INF2: variants seen among roughly 807,000 people sequenced by gnomAD.
INF2 encodes inverted formin-2.
In INF2, 43 loss-of-function variants were observed where a neutral mutation model predicts 123.5. The ratio of observed to expected loss-of-function variants is 0.35; its 90% CI spans 0.27 to 0.45. The LOEUF (loss-of-function observed/expected upper bound fraction) is 0.45. Among genes scored for constraint, INF2 ranks in the 20% least tolerant of loss-of-function variants. The pLI is 1.00. For synonymous variants in INF2, 851 were observed against 745.0 expected, an observed-to-expected ratio of 1.14 and a Z score of -2.32; for missense variants, 1,453 against 1,682.7, an observed-to-expected ratio of 0.86 and a Z score of 2.39.
At chr14:104,704,329 G>A (rs978747443) in intron 5 of INF2, 8 of 454,356 alleles carry the variant, frequency 1.8e-5, no homozygotes, top group African/African-American at 5.9e-5. Flanking sequence ...ACAGGGACAC[G>A]GGCTCCAGGG....
At chr14:104,703,033 C>A in intron 2 of INF2, 72 bp from the exon 3 acceptor site, 1 of 1,285,762 alleles carries the variant, frequency 7.8e-7, no homozygotes, top group Non-Finnish European at 1.1e-6. Context: ...GAGCCCCAGC[C>A]CTGAGCCCAG....
intron 1 of INF2, among the ~76,000 whole-genome samples, chr14:104,682,869 A>G (rs1353816716): frequency 1.3e-5 from 2 of 152,114 alleles, no homozygotes; most frequent in African/African-American, 4.8e-5. Context: ...CCCTAGGATT[A>G]TCACGTCTGG....
chr14:104,692,912 T>C (rs1460584202), intron 1 of INF2, among the ~76,000 whole-genome samples: 2 of 152,242 alleles, frequency 1.3e-5, no homozygotes, highest in African/African-American at 2.4e-5. Flanking sequence ...AGGGCCAGCC[T>C]GGGCTGCCCC....
At position 104,699,126 on chromosome 14, in the gene INF2, G is replaced by A. The variant is rs1889345463; in HGVS notation, c.-9-2231G>A. On this transcript the variant is annotated intron_variant, in intron 1 of 22. Transcript: ENST00000392634. The surrounding 1 kb of genome is among the most constrained non-coding windows in gnomAD (Gnocchi z 4.7). Reference sequence around the variant, plus strand: ...ATCTTCTGTGTCCAGGGACACCCTGGGGCCTGGGGCACGGTGGCTCTCGGC... The same window carrying A: ...ATCTTCTGTGTCCAGGGACACCCTGAGGCCTGGGGCACGGTGGCTCTCGGC... Among the ~76,000 whole-genome samples, 1 of 152,092 alleles carries A rather than the reference G, an allele frequency of 6.6e-6. No individual in the cohort carries two copies. The highest frequency in any genetic ancestry group is 2.1e-4 in the South Asian group (1 of 4,824).
chr14:104,689,862 C>A, intron 1 of INF2, 123 bp downstream of exon 1: 1 of 530,866 alleles, frequency 1.9e-6, no homozygotes, highest in Non-Finnish European at 2.4e-6. Context: ...CAGGTGGCGG[C>A]GGGCGGTCCG....
In INF2 at chr14:104,713,644, G is replaced by A. The variant is rs372109216; in HGVS notation, c.3040+38G>A. On this transcript the variant is annotated intron_variant, in intron 20 of 22. Transcript: ENST00000392634. ...CCCACTGCCTCCTCATGGTCCCCTT[G>A]CCACTGTCCCTACCCTGTGCCTCCA... 51 of 1,602,462 alleles carry A rather than the reference G, an allele frequency of 3.2e-5. No individual in the cohort carries two copies. The African/African-American group carries it at 6.0e-4, about 19-fold the overall frequency.
intron 1 of INF2, chr14:104,691,377 G>C (rs970347726): frequency 6.6e-6 from 1 of 152,226 alleles, no homozygotes; most frequent in Admixed American, 6.5e-5. Flanking sequence ...AGCTCTGGAC[G>C]GGGACAGTGA....
intron 18 of INF2, 60 bp downstream of exon 18, chr14:104,713,052 C>T (rs1205907209): frequency 1.9e-6 from 3 of 1,609,002 alleles, no homozygotes; most frequent in Non-Finnish European, 2.5e-6. Context: ...AGGCCCCTGG[C>T]CTTCCTCCGG....
rs2140705452 is a variant in INF2, at chr14:104,715,652, G to A, written c.*1+312G>A. 10 of 578,272 alleles carry A rather than the reference G, an allele frequency of 1.7e-5. No individual in the cohort carries two copies. In the East Asian group the frequency reaches 3.2e-4, roughly 18 times the overall value. The allele number at this position is 578,272 out of a possible 1,614,324, so 35.8% of individuals were successfully genotyped here. On this transcript the variant is annotated intron_variant, in intron 22 of 22. Transcript: ENST00000392634. ...GACTCCCTTAGCAAGCAGGATCCGGGCCCTGGGGCGTGGGCGGGACCTCCT... is the reference window on the plus strand; with the variant it reads ...GACTCCCTTAGCAAGCAGGATCCGGACCCTGGGGCGTGGGCGGGACCTCCT...
chr14:104,688,289 G>C (rs959084291), upstream of INF2, among the ~76,000 whole-genome samples: 2 of 152,360 alleles, frequency 1.3e-5, no homozygotes, highest in Non-Finnish European at 2.9e-5. Flanking sequence ...GGGGCTGCTG[G>C]GCAGGGCAAG....
At chr14:104,708,408 C>G (rs772600887) in intron 8 of INF2, 28 bp from the exon 9 acceptor site, 22 of 1,608,564 alleles carry the variant, frequency 1.4e-5, no homozygotes, top group Non-Finnish European at 1.9e-5. Context: ...GCTGCGAGAG[C>G]CTCACTGGCC....
chr14:104,685,839 G>T (rs1210372034), upstream of INF2, among the ~76,000 whole-genome samples: 1 of 148,504 alleles, frequency 6.7e-6, no homozygotes, highest in African/African-American at 2.5e-5. Flanking sequence ...TAGGCCGATG[G>T]GTAAGTGGAT....
chr14:104,698,564 T>C (rs1202713183), intron 1 of INF2, among the ~76,000 whole-genome samples: 2 of 152,222 alleles, frequency 1.3e-5, no homozygotes, highest in African/African-American at 4.8e-5. Context: ...TCCTATGAGA[T>C]GAGACAAAAA....
At chr14:104,702,388 A>T (rs1263234498) in intron 2 of INF2, among the ~76,000 whole-genome samples, 1 of 150,438 alleles carries the variant, frequency 6.6e-6, no homozygotes, top group Non-Finnish European at 1.5e-5. Context: ...TAAGCCTTTA[A>T]GCCCCAGCTC....
chr14:104,711,730 A>G, intron 16 of INF2, 31 bp downstream of exon 16: 12 of 1,601,318 alleles, frequency 7.5e-6, no homozygotes, highest in Non-Finnish European at 1.0e-5. Flanking sequence ...CGCCCACCTC[A>G]GCCAGGTGGG....
Position 104,707,821 on chromosome 14 carries a change from A to G in INF2, c.1554A>G (p.Pro518=), listed in dbSNP as rs1192390422. ...TGGGCTGGGGCCCTCCTCCACCCCC[A>G]CCTCCACTACTGCCCTGCACCTGCA... is the stretch of plus-strand genomic sequence containing the variant. ...PGMGWGPPPP[P]PPLLPCTCSP... Residue 518 remains proline, a synonymous_variant, in exon 8 of 23, where the codon CCA becomes CCG. Transcript: ENST00000392634. 2.7e-6 allele frequency: 3 copies of G among 1,124,388 alleles called. No individual in the cohort carries two copies. Among genetic ancestry groups the G allele is most frequent in the Non-Finnish European group, 3.4e-6 (3 of 884,874 alleles). The allele number at this position is 1,124,388 out of a possible 1,614,324, so 69.7% of individuals were successfully genotyped here.
chr14:104,706,544 A>T (rs1158340807), intron 6 of INF2, among the ~76,000 whole-genome samples: 1 of 152,180 alleles, frequency 6.6e-6, no homozygotes, highest in Admixed American at 6.5e-5. Context: ...GTGAGGGGCT[A>T]AGAGGCTGAA....
At chr14:104,714,107 C>A in intron 20 of INF2, 96 bp from the exon 21 acceptor site, 1 of 1,119,272 alleles carries the variant, frequency 8.9e-7, no homozygotes, top group Non-Finnish European at 1.2e-6. Flanking sequence ...GGAGGTTTTG[C>A]AGGGCGTTCA....
chr14:104,697,083 T>C (rs1004715011), intron 1 of INF2, among the ~76,000 whole-genome samples: 4 of 152,146 alleles, frequency 2.6e-5, no homozygotes, highest in Admixed American at 6.5e-5. Context: ...CTGTTCCTCG[T>C]GGGGAGCCTG....
Sources: allele counts gnomAD v4.1 joint callset (sites outside exome capture counted in the v4.1 genomes callset), GRCh38; gene constraint gnomAD v4.1.1; non-coding constraint Gnocchi (gnomAD v3.1); transcripts MANE v1.5; gene names NCBI Gene and HGNC (gene_info 2026-07-23, HGNC 2026-07-21).